Variants in UACA observed in about 807,000 individuals in gnomAD.
The protein encoded by UACA is uveal autoantigen with coiled-coil domains and ankyrin repeats, also known as nuclear membrane binding protein.
Under a neutral mutation model 160.5 loss-of-function variants are expected in UACA, and 112 were observed. The ratio of observed to expected loss-of-function variants is 0.70; its 90% CI spans 0.60 to 0.82. The LOEUF is 0.82. Among genes scored for constraint, UACA ranks in the 40% least tolerant of loss-of-function variants. The pLI, the probability that UACA is intolerant of heterozygous loss-of-function variation, is 0.00. For synonymous variants in UACA, 557 were observed against 568.4 expected, an observed-to-expected ratio of 0.98 and a Z score of 0.29; for missense variants, 1,574 against 1,614.6, an observed-to-expected ratio of 0.97 and a Z score of 0.43.
At chr15:70,693,436 T>C (rs1898010950) in intron 3 of UACA, among the ~76,000 whole-genome samples, 1 of 152,130 alleles carries the variant, frequency 6.6e-6, no homozygotes, top group Non-Finnish European at 1.5e-5. Flanking sequence ...ATAATACACA[T>C]AAAGATGTGT....
intron 1 of UACA, among the ~76,000 whole-genome samples, chr15:70,728,439 T>C (rs1421635899): frequency 6.6e-6 from 1 of 151,766 alleles, no homozygotes; most frequent in African/African-American, 2.4e-5. Flanking sequence ...GGTGCATGCC[T>C]GTAACCCCAG....
In UACA at chr15:70,668,349, T is replaced by C. The variant is rs760189268; in HGVS notation, c.2335A>G (p.Lys779Glu). 2 of 1,609,256 alleles carry C rather than the reference T, an allele frequency of 1.2e-6. No homozygotes were observed. The highest frequency in any genetic ancestry group is 1.7e-6 in the Non-Finnish European group (2 of 1,178,938). The part of the protein sequence containing the change: ...LDVTQKYTEK[K>E]LEMEKLLLEN... ...AGTAGCAATTTCTCCATTTCCAACTTCTTTTCTGTATATTTTTGTGTTACA... is the reference window on the plus strand; with the variant it reads ...AGTAGCAATTTCTCCATTTCCAACTCCTTTTCTGTATATTTTTGTGTTACA... The change falls in exon 16 of 19, where the codon AAG (lysine) becomes GAG (glutamate). Residue 779 changes from lysine to glutamate, a missense_variant. Lys to Glu is a moderately conservative substitution (Grantham distance 56). Coordinates refer to ENST00000322954, the MANE Select transcript of UACA (RefSeq NM_018003.4).
chr15:70,676,069 A>G (rs550619807), intron 13 of UACA, among the ~76,000 whole-genome samples: 2 of 152,358 alleles, frequency 1.3e-5, no homozygotes, highest in Non-Finnish European at 2.9e-5. Context: ...CAAAGACAAA[A>G]GATTCATGCT....
At chr15:70,727,040 C>A (rs924640987) in intron 1 of UACA, among the ~76,000 whole-genome samples, 2 of 152,134 alleles carry the variant, frequency 1.3e-5, no homozygotes, top group African/African-American at 2.4e-5. Context: ...TTTTTGCCTT[C>A]ATCTTAAACT....
chr15:70,774,697 G>A, the UACA span, among the ~76,000 whole-genome samples: 1 of 152,044 alleles, frequency 6.6e-6, no homozygotes, highest in Non-Finnish European at 1.5e-5. Flanking sequence ...TAAATAGTTT[G>A]CCCATATAGA....
At chr15:70,704,445 C>T (rs1379337753) in intron 1 of UACA, among the ~76,000 whole-genome samples, 2 of 152,162 alleles carry the variant, frequency 1.3e-5, no homozygotes, top group African/African-American at 4.8e-5. Flanking sequence ...TCCTGCACAT[C>T]CCACACCGCA....
chr15:70,689,558 A>G (rs74021836), intron 5 of UACA, among the ~76,000 whole-genome samples: 2,354 of 152,248 alleles, frequency 0.015, 59 homozygotes, highest in African/African-American at 0.053. Flanking sequence ...CAAAATTTTT[A>G]AAAATTAAGG....
chr15:70,726,060 A>C (rs1222226952), intron 1 of UACA, among the ~76,000 whole-genome samples: 2 of 152,108 alleles, frequency 1.3e-5, no homozygotes, highest in African/African-American at 2.4e-5. Context: ...ATTCATTCCC[A>C]CTGTTCTGCT....
chr15:70,676,369 CT>C, intron 13 of UACA, 123 bp downstream of exon 13: 1 of 709,108 alleles, frequency 1.4e-6, no homozygotes. Context: ...AGTTTGAAGA[CT>C]TTAAATAAGC....
intron 1 of UACA, among the ~76,000 whole-genome samples, chr15:70,738,177 T>C (rs1277975899): frequency 6.6e-6 from 1 of 152,136 alleles, no homozygotes; most frequent in Non-Finnish European, 1.5e-5. Flanking sequence ...TCATTTATAT[T>C]CATCAGTAAA....
the UACA span, among the ~76,000 whole-genome samples, chr15:70,774,414 T>C: frequency 2.6e-5 from 4 of 151,708 alleles, no homozygotes; most frequent in East Asian, 5.9e-4. Context: ...GGCGTGGTGG[T>C]GGGCGCCTGT....
chr15:70,756,972 C>T (rs760360325), intron 1 of UACA, among the ~76,000 whole-genome samples: 1 of 152,154 alleles, frequency 6.6e-6, no homozygotes, highest in Non-Finnish European at 1.5e-5. Flanking sequence ...CATCAAGTAT[C>T]CAGCTGATGA....
At chr15:70,723,309 C>T (rs1357775361) in intron 1 of UACA, among the ~76,000 whole-genome samples, 8 of 152,212 alleles carry the variant, frequency 5.3e-5, no homozygotes, top group Admixed American at 5.2e-4. Flanking sequence ...GCCTGGGCAA[C>T]ACAGTAGACT....
At chr15:70,715,264 T>C (rs1298510544) in intron 1 of UACA, among the ~76,000 whole-genome samples, 3 of 152,132 alleles carry the variant, frequency 2.0e-5, no homozygotes, top group African/African-American at 4.8e-5. Context: ...TTAACAAATA[T>C]TTTTGCCAAT....
chr15:70,697,412 G>A (rs540136688), intron 2 of UACA, among the ~76,000 whole-genome samples: 1 of 152,290 alleles, frequency 6.6e-6, no homozygotes, highest in East Asian at 1.9e-4. Context: ...TGGAATCCTT[G>A]GTGAACCTTC....
At chr15:70,712,051 C>CATAT (rs57543862) in intron 1 of UACA, among the ~76,000 whole-genome samples, 5 of 131,988 alleles carry the variant, frequency 3.8e-5, no homozygotes, top group African/African-American at 6.1e-5. Context: ...AAGCTCCAGG[C>CATAT]ATATATATAT....
intron 17 of UACA, chr15:70,661,280 G>A (rs946952878): frequency 6.6e-6 from 1 of 152,074 alleles, no homozygotes; most frequent in African/African-American, 2.4e-5. Flanking sequence ...TGCATTCTCA[G>A]TTCTACATTT....
At chr15:70,677,350 A>G (rs559080992) in intron 11 of UACA, among the ~76,000 whole-genome samples, 1 of 152,302 alleles carries the variant, frequency 6.6e-6, no homozygotes, top group East Asian at 1.9e-4. Flanking sequence ...TTCTCTTGAG[A>G]ACCTATCAAC....
intron 1 of UACA, among the ~76,000 whole-genome samples, chr15:70,712,064 A>ATATATATATATATATATATATC (rs909386790): frequency 5.5e-5 from 8 of 145,454 alleles, no homozygotes; most frequent in African/African-American, 1.7e-4. Flanking sequence ...ATATATATAT[A>ATATATATATATATATATATATC]TATCTCCATA....
Sources: allele counts gnomAD v4.1 joint callset (sites outside exome capture counted in the v4.1 genomes callset), GRCh38; gene constraint gnomAD v4.1.1; transcripts MANE v1.5; gene names NCBI Gene and HGNC (gene_info 2026-07-23, HGNC 2026-07-21).